The following TMEM164 variants were observed in gnomAD, a reference collection of about 807,000 sequenced individuals.
TMEM164 encodes the protein transmembrane protein 164.
TMEM164 carries 4 observed loss-of-function variants against 18.8 expected under a neutral mutation model. That is an observed-to-expected ratio of 0.21 (90% CI 0.10 to 0.49). TMEM164 has a LOEUF of 0.49. Ranked by LOEUF, TMEM164 falls within the 20% of genes least tolerant of loss-of-function variation. TMEM164 has a pLI of 0.98. For synonymous variants in TMEM164, 86 were observed against 101.7 expected (o/e 0.85, Z 0.93); for missense variants, 108 against 239.9 (o/e 0.45, Z 3.63).
intron 5 of TMEM164, among the ~76,000 whole-genome samples, chrX:110,159,117 T>G (rs974570250): frequency 3.6e-5 from 4 of 111,584 alleles, no homozygotes; most frequent in East Asian, 2.8e-4. Context: ...TTTGAGCAGT[T>G]TTTTAGGTTC....
At chrX:110,135,628 T>C (rs756271810) in intron 4 of TMEM164, among the ~76,000 whole-genome samples, 1 of 112,224 alleles carries the variant, frequency 8.9e-6, no homozygotes, top group East Asian at 2.8e-4. Flanking sequence ...GGTTTCACCA[T>C]ATTAGTTCAT....
downstream of TMEM164, among the ~76,000 whole-genome samples, chrX:110,183,168 C>G (rs1328383340): frequency 1.8e-5 from 2 of 112,320 alleles, no homozygotes; most frequent in Non-Finnish European, 3.8e-5. Context: ...TAAGGCTGGA[C>G]AGCCAAGGGC....
At chrX:110,023,120 G>A (rs955794050) in intron 2 of TMEM164, among the ~76,000 whole-genome samples, 12 of 111,572 alleles carry the variant, frequency 1.1e-4, no homozygotes, top group Admixed American at 1.0e-3. Context: ...GGGAGGGGAG[G>A]TTAAATTTTA....
At chrX:110,015,932 G>A (rs1933339318) in intron 2 of TMEM164, among the ~76,000 whole-genome samples, 1 of 112,724 alleles carries the variant, frequency 8.9e-6, no homozygotes, top group Non-Finnish European at 1.9e-5. Flanking sequence ...AGTCAGCCAA[G>A]TGAACTGATT....
chrX:110,172,570 C>A (rs1382624297), intron 6 of TMEM164, among the ~76,000 whole-genome samples: 1 of 111,471 alleles, frequency 9.0e-6, no homozygotes, highest in Non-Finnish European at 1.9e-5. Flanking sequence ...AAAGTTCACA[C>A]CCTTACCACT....
At chrX:110,136,947 C>G (rs887122255) in intron 4 of TMEM164, among the ~76,000 whole-genome samples, 1 of 111,517 alleles carries the variant, frequency 9.0e-6, no homozygotes, top group Non-Finnish European at 1.9e-5. Flanking sequence ...TTACTCTTCT[C>G]AAAAGATTAC....
chrX:110,077,556 G>A (rs752796853), intron 3 of TMEM164, among the ~76,000 whole-genome samples: 1 of 111,785 alleles, frequency 8.9e-6, no homozygotes, highest in Admixed American at 9.5e-5. Context: ...GAGTCTATGG[G>A]CTGTGTACTA....
intron 2 of TMEM164, among the ~76,000 whole-genome samples, chrX:110,018,788 C>T (rs977890401): frequency 3.6e-5 from 4 of 112,082 alleles, no homozygotes; most frequent in Admixed American, 9.4e-5. Context: ...TGGCTGTTAT[C>T]ATCTGTAAGA....
chrX:110,119,834 C>T (rs1427528447), intron 4 of TMEM164, among the ~76,000 whole-genome samples: 1 of 111,857 alleles, frequency 8.9e-6, no homozygotes, highest in South Asian at 3.7e-4. Flanking sequence ...GAGGTGCATG[C>T]CCTTGTTGAT....
At chrX:110,073,296 A>G (rs936381857) in intron 3 of TMEM164, among the ~76,000 whole-genome samples, 16 of 111,891 alleles carry the variant, frequency 1.4e-4, no homozygotes, top group Non-Finnish European at 2.1e-4. Context: ...TCAGCGTCCC[A>G]AAGAGCTGGG....
intron 3 of TMEM164, among the ~76,000 whole-genome samples, chrX:110,085,420 G>T (rs1308900055): frequency 9.1e-6 from 1 of 109,299 alleles, no homozygotes; most frequent in Non-Finnish European, 1.9e-5. Flanking sequence ...TCCCACCTTG[G>T]CTTCCCAGTG....
At chrX:110,132,222 T>G (rs765894520) in intron 4 of TMEM164, among the ~76,000 whole-genome samples, 1 of 112,290 alleles carries the variant, frequency 8.9e-6, no homozygotes, top group East Asian at 2.8e-4. Context: ...AATCCTTGAC[T>G]CATTTCATGC....
intron 3 of TMEM164, among the ~76,000 whole-genome samples, chrX:110,095,230 T>C (rs1289542562): frequency 8.9e-6 from 1 of 112,004 alleles, no homozygotes; most frequent in Non-Finnish European, 1.9e-5. Flanking sequence ...TGGCCTGCCT[T>C]GCTAGGTTGG....
chrX:110,129,254 T>C (rs1333888445), intron 4 of TMEM164, among the ~76,000 whole-genome samples: 2 of 112,687 alleles, frequency 1.8e-5, no homozygotes, highest in Non-Finnish European at 3.7e-5. Flanking sequence ...AGATTGAGAG[T>C]AGATTTTCCT....
At chrX:110,147,368 A>G (rs1479140430) in intron 5 of TMEM164, among the ~76,000 whole-genome samples, 1 of 112,051 alleles carries the variant, frequency 8.9e-6, no homozygotes, top group Non-Finnish European at 1.9e-5. Flanking sequence ...CTATATGTAT[A>G]CAATGCAGAA....
chrX:110,084,507 G>A (rs1458267813), intron 3 of TMEM164, among the ~76,000 whole-genome samples: 1 of 91,895 alleles, frequency 1.1e-5, no homozygotes, highest in African/African-American at 4.0e-5. Flanking sequence ...GAGACATGGT[G>A]GTGCATGCCT....
chrX:110,140,189 A>G (rs2066749384), intron 4 of TMEM164, among the ~76,000 whole-genome samples: 1 of 111,730 alleles, frequency 9.0e-6, no homozygotes, highest in Non-Finnish European at 1.9e-5. Context: ...AATGACTGCA[A>G]CAGAAAGGAG....
rs185879359 is a variant in TMEM164, at chrX:110,081,923, G to T, written c.440+14527G>T. On this transcript the variant is annotated intron_variant, in intron 3 of 6. Transcript: ENST00000372068. ...CAGCAGGCTGCATGTCCTGTGCTTG[G>T]CAAAGGCTGGCAACTCCCACTGGGG... 3.8e-3 allele frequency among the ~76,000 whole-genome samples: 429 copies of T among 112,460 alleles called. 2 individuals are homozygous for T. In the South Asian group the frequency reaches 0.045, roughly 12 times the overall value.
At chrX:110,097,616 A>G (rs767543856) in intron 3 of TMEM164, among the ~76,000 whole-genome samples, 55 of 112,391 alleles carry the variant, frequency 4.9e-4, no homozygotes, top group Non-Finnish European at 1.1e-4. Flanking sequence ...GAAGTCAACT[A>G]CTTTAGAGTA....
Sources: gnomAD v4.1 joint callset for allele counts (sites outside exome capture counted in the v4.1 genomes callset) on GRCh38, gnomAD v4.1.1 for gene constraint, MANE v1.5 for transcripts, NCBI Gene and HGNC (gene_info 2026-07-23, HGNC 2026-07-21) for gene names.